Variants in DPP10 observed in about 807,000 individuals in gnomAD.
The protein encoded by DPP10 is dipeptidyl peptidase like 10, also known as inactive dipeptidyl peptidase 10.
DPP10 carries 33 observed loss-of-function variants against 120.9 expected under a neutral mutation model. The observed-to-expected ratio is 0.27, with a 90% CI of 0.21 to 0.37. The LOEUF is 0.37. Ranked by LOEUF, DPP10 falls within the 10% of genes least tolerant of loss-of-function variation. DPP10 has a pLI of 1.00. For synonymous variants in DPP10, 337 were observed against 326.1 expected (o/e 1.03, Z -0.36); for missense variants, 816 against 942.8 (o/e 0.87, Z 1.76).
At chr2:115,301,881 G>T (rs2061154324) in intron 1 of DPP10, among the ~76,000 whole-genome samples, 1 of 152,008 alleles carries the variant, frequency 6.6e-6, no homozygotes, top group South Asian at 2.1e-4. Context: ...AAGGATAGCT[G>T]TCATACTTAT....
intron 5 of DPP10, among the ~76,000 whole-genome samples, chr2:115,663,716 G>A (rs1258402946): frequency 6.6e-6 from 1 of 152,134 alleles, no homozygotes. Flanking sequence ...ATACATACAG[G>A]CTGGGCGCGG....
intron 1 of DPP10, among the ~76,000 whole-genome samples, chr2:115,053,126 AAAGCTCAGGCGACTGAAAATAGTTGT>A (rs1262546043): frequency 1.3e-5 from 2 of 152,194 alleles, no homozygotes; most frequent in Admixed American, 1.3e-4. Flanking sequence ...ACTCCCAGAT[AAAGCTCAGGCGACTGAAAATAGTTGT>A]TCATAAGAAA....
intron 1 of DPP10, among the ~76,000 whole-genome samples, chr2:114,447,117 C>A (rs1008117235): frequency 7.3e-5 from 11 of 151,080 alleles, no homozygotes; most frequent in Admixed American, 1.3e-4. Context: ...CTGCCTCAGC[C>A]TCCCGAGTAG....
At chr2:114,498,863 A>T (rs191618872) in intron 1 of DPP10, among the ~76,000 whole-genome samples, 1 of 152,344 alleles carries the variant, frequency 6.6e-6, no homozygotes, top group East Asian at 1.9e-4. Context: ...ATGTCCATGT[A>T]GCTATTCACA....
intron 1 of DPP10, among the ~76,000 whole-genome samples, chr2:115,069,881 ATATT>A (rs1350875188): frequency 6.6e-6 from 1 of 151,822 alleles, no homozygotes; most frequent in Non-Finnish European, 1.5e-5. Context: ...TACGTATATA[ATATT>A]TATATGTATG....
intron 1 of DPP10, among the ~76,000 whole-genome samples, chr2:115,274,772 T>G (rs1026667128): frequency 6.6e-6 from 1 of 152,210 alleles, no homozygotes; most frequent in African/African-American, 2.4e-5. Context: ...TTACATAACC[T>G]TTATGCAATT....
chr2:115,228,048 G>A (rs576346714), intron 1 of DPP10, among the ~76,000 whole-genome samples: 1 of 151,714 alleles, frequency 6.6e-6, no homozygotes, highest in East Asian at 1.9e-4. Flanking sequence ...ACGGCCTCCT[G>A]AGTGGTTGGG....
chr2:115,162,037 C>A, intron 1 of DPP10: 1 of 1,413,596 alleles, frequency 7.1e-7, no homozygotes, highest in Non-Finnish European at 9.2e-7. Context: ...AGGTGAGAGT[C>A]GGCAGCCGCG....
chr2:114,983,005 G>A (rs1280588454), intron 1 of DPP10, among the ~76,000 whole-genome samples: 1 of 151,992 alleles, frequency 6.6e-6, no homozygotes, highest in Non-Finnish European at 1.5e-5. Flanking sequence ...ATTATGCCTT[G>A]GTGACTTTAG....
chr2:114,657,585 C>T (rs1010638115), intron 1 of DPP10, among the ~76,000 whole-genome samples: 2 of 152,056 alleles, frequency 1.3e-5, no homozygotes, highest in Admixed American at 6.5e-5. Flanking sequence ...CATAACCCAT[C>T]GTGAGAAGGC....
chr2:115,268,837 CTT>C (rs1180128959), intron 1 of DPP10, among the ~76,000 whole-genome samples: 3 of 152,084 alleles, frequency 2.0e-5, no homozygotes, highest in Admixed American at 6.6e-5. Context: ...TTTAAGAAGT[CTT>C]TTTTATCCAG....
chr2:115,394,941 A>G (rs1479769192), intron 3 of DPP10, among the ~76,000 whole-genome samples: 2 of 152,206 alleles, frequency 1.3e-5, no homozygotes, highest in African/African-American at 4.8e-5. Context: ...CAAGAATAAG[A>G]TGATAATTTG....
chr2:115,707,157 G>A (rs573089069), intron 7 of DPP10, among the ~76,000 whole-genome samples: 1 of 151,784 alleles, frequency 6.6e-6, no homozygotes, highest in Non-Finnish European at 1.5e-5. Flanking sequence ...ATTTTAGCTG[G>A]TAATTTCAAC....
intron 1 of DPP10, among the ~76,000 whole-genome samples, chr2:115,204,424 A>G (rs1048647510): frequency 6.6e-6 from 1 of 152,186 alleles, no homozygotes; most frequent in African/African-American, 2.4e-5. Flanking sequence ...TACATGGATT[A>G]TATAGACCTT....
intron 1 of DPP10, among the ~76,000 whole-genome samples, chr2:114,472,146 C>A (rs986896544): frequency 6.6e-6 from 1 of 152,180 alleles, no homozygotes; most frequent in Non-Finnish European, 1.5e-5. Context: ...ATTAGGCTAT[C>A]TGGGTTTGCT....
At chr2:114,488,870 T>C (rs574815722) in intron 1 of DPP10, among the ~76,000 whole-genome samples, 2 of 152,286 alleles carry the variant, frequency 1.3e-5, no homozygotes, top group East Asian at 1.9e-4. Context: ...ATTTATCAGA[T>C]GGTAAAGCTT....
chr2:115,689,862 C>G lies in DPP10; in HGVS notation c.517C>G (p.Pro173Ala). Residue 173 changes from proline to alanine, a missense_variant, in exon 7 of 26, where the codon CCA becomes GCA. Coordinates refer to ENST00000410059, the MANE Select transcript of DPP10 (RefSeq NM_020868.6). ...AAGGGAAGTTTGGGAGTTAAATCCT[C>G]CAGAAGTAGAGGACTCCGTCTTGCA... ...HTREVWELNP[P>A]EVEDSVLQYA... The G allele has an allele frequency of 3.1e-6, 5 of 1,613,796 alleles. No homozygotes were observed. Among genetic ancestry groups the G allele is most frequent in the Non-Finnish European group, 4.2e-6 (5 of 1,179,942 alleles).
chr2:114,487,909 G>T (rs1681650729), intron 1 of DPP10, among the ~76,000 whole-genome samples: 1 of 152,118 alleles, frequency 6.6e-6, no homozygotes, highest in Non-Finnish European at 1.5e-5. Flanking sequence ...ACGTTAAAGG[G>T]AAAGAACAGG....
chr2:115,591,656 A>G (rs555492766), intron 5 of DPP10, among the ~76,000 whole-genome samples: 6 of 152,124 alleles, frequency 3.9e-5, no homozygotes, highest in Admixed American at 1.3e-4. Context: ...TTGGTTCCAT[A>G]TGAACTTTAA....
Sources: gnomAD v4.1 joint callset for allele counts (sites outside exome capture counted in the v4.1 genomes callset) on GRCh38, gnomAD v4.1.1 for gene constraint, MANE v1.5 for transcripts, NCBI Gene and HGNC (gene_info 2026-07-23, HGNC 2026-07-21) for gene names.